Variants in MCOLN1 observed in about 807,000 individuals in gnomAD.
The protein encoded by MCOLN1 is mucolipin TRP cation channel 1.
In MCOLN1, 50 loss-of-function variants were observed where a neutral mutation model predicts 70.3. The observed-to-expected ratio is 0.71, with a 90% CI of 0.57 to 0.90. The LOEUF is 0.90. Among genes scored for constraint, MCOLN1 ranks in the 40% least tolerant of loss-of-function variants. MCOLN1 has a pLI of 0.00. For missense variants in MCOLN1, 598 were observed against 803.5 expected, an observed-to-expected ratio of 0.74 and a Z score of 3.09; for synonymous variants, 366 against 341.0, an observed-to-expected ratio of 1.07 and a Z score of -0.81.
In MCOLN1 at chr19:7,522,714, C is replaced by A; in HGVS notation, c.-37C>A. The A allele has an allele frequency of 6.9e-7, 1 of 1,452,034 alleles. No individual in the cohort carries two copies. The highest frequency in any genetic ancestry group is 9.0e-7 in the Non-Finnish European group (1 of 1,106,530). The allele number at this position is 1,452,034 out of a possible 1,614,324, so 89.9% of individuals were successfully genotyped here. A position where few individuals can be genotyped will look rare whatever the true frequency, so the allele number is the denominator to read the frequency against. On this transcript the variant is annotated 5_prime_UTR_variant, in exon 1 of 14. Transcript: ENST00000264079. ...GCGGGCGATCGGACCCAGGCTGCCC[C>A]GCCGTACCCGCCTGCGTCCCGCGCT... is the stretch of plus-strand genomic sequence containing the variant.
chr19:7,530,659 C>T (rs545587051), intron 12 of MCOLN1, among the ~76,000 whole-genome samples, 158 bp downstream of exon 12: 20 of 152,064 alleles, frequency 1.3e-4, no homozygotes, highest in African/African-American at 2.9e-4. Flanking sequence ...AACTGGGGGG[C>T]GCAGGGGGAT....
rs1273086675 is a variant in MCOLN1 at position 7,530,490 on chromosome 19, G to A, written c.1564G>A (p.Asp522Asn). 4 of 1,609,630 alleles carry A rather than the reference G, an allele frequency of 2.5e-6. No individual in the cohort carries two copies. The highest frequency in any genetic ancestry group is 2.5e-6 in the Non-Finnish European group (3 of 1,179,968). The change falls in exon 12 of 14, where the codon GAC becomes AAC. Residue 522 changes from aspartate to asparagine, a missense_variant. Physicochemically the swap from Asp to Asn is conservative, Grantham distance 23 (BLOSUM62 1). Coordinates refer to ENST00000264079, the MANE Select transcript of MCOLN1 (RefSeq NM_020533.3). ...CATCGCGCTCATCACCGGCGCCTAC[G>A]ACACCATCAAGGTCAGCCGCATGCA... ...LFIALITGAY[D>N]TIKHPGGAGA...
chr19:7,532,986 G>A (rs2022681645), intron 12 of MCOLN1, among the ~76,000 whole-genome samples: 2 of 152,208 alleles, frequency 1.3e-5, no homozygotes, highest in South Asian at 2.1e-4. Context: ...CCATGAGGCC[G>A]AGTGAGAGGA....
At chr19:7,530,040 A>G (rs894289448) in intron 11 of MCOLN1, among the ~76,000 whole-genome samples, 2 of 149,600 alleles carry the variant, frequency 1.3e-5, no homozygotes, top group African/African-American at 5.0e-5. Flanking sequence ...GGACCCGGCC[A>G]TTCACGTGGG....
rs1158583058 is a variant in MCOLN1 at position 7,526,482 on chromosome 19, G to A, written c.281G>A (p.Arg94Gln). 3.1e-6 allele frequency: 5 copies of A among 1,614,102 alleles called. No individual in the cohort carries two copies. The highest frequency in any genetic ancestry group is 1.7e-5 in the Admixed American group (1 of 60,006). The change falls in exon 3 of 14, where the codon CGG becomes CAG. Residue 94 changes from arginine (R) to glutamine (Q), a missense_variant. Around this residue, in one of 3 missense-constraint regions of MCOLN1, gnomAD observed 461 missense variants for 588.4 expected, o/e 0.78. Transcript: ENST00000264079. The surrounding 1 kb of genome is among the most constrained non-coding windows in gnomAD (Gnocchi z 4.6). ...GLSNQLAVTF[R>Q]EENTIAFRHL... Reference sequence around the variant, plus strand: ...AGTAATCAGCTGGCTGTGACATTCCGGGAAGAGAACACCATCGCCTTCCGA... The same window carrying A: ...AGTAATCAGCTGGCTGTGACATTCCAGGAAGAGAACACCATCGCCTTCCGA...
chr19:7,526,003 A>T lies in MCOLN1; in HGVS notation c.238-436A>T, dbSNP rs888431155. ...CTTGAACCCAGGGGGTGGAGGTTGT[A>T]GTGAGCTGAGATCATACCATGGCAC... On this transcript the variant is annotated intron_variant, in intron 2 of 13. Transcript: ENST00000264079. The surrounding 1 kb of genome is among the most constrained non-coding windows in gnomAD (Gnocchi z 4.6). 2 of 244,702 alleles carry T rather than the reference A, an allele frequency of 8.2e-6. No individual in the cohort carries two copies. Among genetic ancestry groups the T allele is most frequent in the Admixed American group, 1.0e-4 (2 of 19,564 alleles). 15.2% of individuals were successfully genotyped at this position (244,702 alleles called of 1,614,324 possible).
intron 4 of MCOLN1, chr19:7,527,307 A>T: frequency 3.7e-6 from 2 of 547,540 alleles, no homozygotes; most frequent in Non-Finnish European, 6.5e-6. Flanking sequence ...AAGTATGCTT[A>T]GTGTGAGTGT....
At position 7,525,194 on chromosome 19, in the gene MCOLN1, C is replaced by A. The variant is rs765483838; in HGVS notation, c.237+28C>A. On this transcript the variant is annotated intron_variant, in intron 2 of 13. Coordinates refer to ENST00000264079, the MANE Select transcript of MCOLN1 (RefSeq NM_020533.3). This position sits in a 1 kb window ranked among gnomAD's most constrained non-coding sequence, Gnocchi z 4.2. ...GAGGCCAGCCAAGCAGGGGCCCCAGCTGAAGGCCACCTGTGGCTGCTGTGC... is the reference window on the plus strand; with the variant it reads ...GAGGCCAGCCAAGCAGGGGCCCCAGATGAAGGCCACCTGTGGCTGCTGTGC... 7 of 1,601,954 alleles carry A rather than the reference C, an allele frequency of 4.4e-6. 1 individual carries two copies. In the South Asian group the frequency reaches 7.7e-5, roughly 18 times the overall value.
chr19:7,528,283 A>G lies in MCOLN1; in HGVS notation c.877+26A>G, dbSNP rs2305889. 0.3 allele frequency: 475,450 copies of G among 1,602,432 alleles called. 71,748 individuals are homozygous for G. Among genetic ancestry groups the G allele is most frequent in the Admixed American group, 0.34 (20,657 of 59,898 alleles). Reference sequence around the variant, plus strand: ...GTGAGCCCCTGAGCCCCAGACCAGCACTGACCAGGGGCCCTGGCCTGTCCT... The same window carrying G: ...GTGAGCCCCTGAGCCCCAGACCAGCGCTGACCAGGGGCCCTGGCCTGTCCT... On this transcript the variant is annotated intron_variant, in intron 7 of 13. Coordinates refer to ENST00000264079, the MANE Select transcript of MCOLN1 (RefSeq NM_020533.3). The surrounding 1 kb of genome is among the most constrained non-coding windows in gnomAD (Gnocchi z 4.2).
Position 7,527,017 on chromosome 19 carries a change from A to G in MCOLN1, c.571+91A>G, listed in dbSNP as rs111678852. The G allele has an allele frequency of 3.7e-3, 5,677 of 1,518,326 alleles. 169 individuals carry two copies. The African/African-American group carries it at 0.063, about 17-fold the overall frequency. The allele number at this position is 1,518,326 out of a possible 1,614,324, so 94.1% of individuals were successfully genotyped here. A position where few individuals can be genotyped will look rare whatever the true frequency, so the allele number is the denominator to read the frequency against. On this transcript the variant is annotated intron_variant, in intron 4 of 13. Transcript: ENST00000264079. ...TGGCTGGGCACGGTGGCTCACGCCTATAATACCAGCACTTTGGGAGGCTGA... is the reference window on the plus strand; with the variant it reads ...TGGCTGGGCACGGTGGCTCACGCCTGTAATACCAGCACTTTGGGAGGCTGA...
intron 10 of MCOLN1, 137 bp downstream of exon 10, chr19:7,529,339 T>G: frequency 1.1e-6 from 1 of 929,362 alleles, no homozygotes; most frequent in Non-Finnish European, 1.7e-6. Flanking sequence ...CCACACCAGA[T>G]ATATCTGTCA....
chr19:7,528,576 C>G lies in MCOLN1; in HGVS notation c.878-21C>G. 6.2e-7 allele frequency: 1 copy of G among 1,613,882 alleles called. No individual in the cohort carries two copies. The highest frequency in any genetic ancestry group is 8.5e-7 in the Non-Finnish European group (1 of 1,180,016). ...AGGCTCCATGCCATCCTTGGCCCTA[C>G]CCGCTCTGCCCTCCCCGCAGGAGAC... On this transcript the variant is annotated intron_variant, in intron 7 of 13. Coordinates refer to ENST00000264079, the MANE Select transcript of MCOLN1 (RefSeq NM_020533.3). The surrounding 1 kb of genome is among the most constrained non-coding windows in gnomAD (Gnocchi z 4.2).
rs1182361101 is a variant in MCOLN1, at chr19:7,528,408, G to A, written c.877+151G>A. On this transcript the variant is annotated intron_variant, in intron 7 of 13. Transcript: ENST00000264079. The surrounding 1 kb of genome is among the most constrained non-coding windows in gnomAD (Gnocchi z 4.2). ...GCACAGACCAGGGACCCCGTCCTGT[G>A]CTGAGATCCCCCAAGCCCCAGACCA... 12 of 999,856 alleles carry A rather than the reference G, an allele frequency of 1.2e-5. No individual in the cohort carries two copies. The highest frequency in any genetic ancestry group is 3.0e-6 in the Non-Finnish European group (2 of 658,726). The allele number at this position is 999,856 out of a possible 1,614,324, so 61.9% of individuals were successfully genotyped here.
In MCOLN1 at chr19:7,530,346, T is replaced by A; in HGVS notation, c.1420T>A (p.Phe474Ile). Residue 474 changes from phenylalanine to isoleucine, a missense_variant, in exon 12 of 14, where the codon TTT becomes ATT. Transcript: ENST00000264079. ...CTCGCTCATCAATGGGGACGACATGTTTGTGACGTTCGCCGCCATGCAGGC... is the reference window on the plus strand; with the variant it reads ...CTCGCTCATCAATGGGGACGACATGATTGTGACGTTCGCCGCCATGCAGGC... ...LFSLINGDDM[F>I]VTFAAMQAQQ... 6.2e-7 allele frequency: 1 copy of A among 1,613,886 alleles called. No homozygotes were observed. The highest frequency in any genetic ancestry group is 8.5e-7 in the Non-Finnish European group (1 of 1,180,032).
rs2022538207 is a variant in MCOLN1 at position 7,524,466 on chromosome 19, A to G, written c.32-495A>G. On this transcript the variant is annotated intron_variant, in intron 1 of 13. Coordinates refer to ENST00000264079, the MANE Select transcript of MCOLN1 (RefSeq NM_020533.3). This position sits in a 1 kb window ranked among gnomAD's most constrained non-coding sequence, Gnocchi z 4.1. ...AAACCTAGAATACAGGCTGAGTTCT[A>G]TGCTCATGTCTGGAAGCTGGAGTTG... is the stretch of plus-strand genomic sequence containing the variant. Among the ~76,000 whole-genome samples the G allele has an allele frequency of 1.3e-5, 2 of 152,164 alleles. No individual in the cohort carries two copies. The highest frequency in any genetic ancestry group is 2.4e-5 in the African/African-American group (1 of 41,434).
In MCOLN1 at chr19:7,530,361, G is replaced by A. The variant is rs761958105; in HGVS notation, c.1435G>A (p.Ala479Thr). Residue 479 changes from alanine (A) to threonine (T), a missense_variant, in exon 12 of 14, where the codon GCC becomes ACC. Around this residue, in one of 3 missense-constraint regions of MCOLN1, gnomAD observed 78 missense variants for 156.2 expected, o/e 0.50. Coordinates refer to ENST00000264079, the MANE Select transcript of MCOLN1 (RefSeq NM_020533.3). Reference sequence around the variant, plus strand: ...GGACGACATGTTTGTGACGTTCGCCGCCATGCAGGCGCAGCAGGGCCGCAG... The same window carrying A: ...GGACGACATGTTTGTGACGTTCGCCACCATGCAGGCGCAGCAGGGCCGCAG... ...NGDDMFVTFAAMQAQQGRSSL... is the reference protein window; with the variant it reads ...NGDDMFVTFATMQAQQGRSSL... 14 of 1,613,766 alleles carry A rather than the reference G, an allele frequency of 8.7e-6. No individual in the cohort carries two copies. The highest frequency in any genetic ancestry group is 2.2e-5 in the East Asian group (1 of 44,898).
At chr19:7,530,651 C>G (rs2022642742) in intron 12 of MCOLN1, 150 bp downstream of exon 12, 1 of 832,010 alleles carries the variant, frequency 1.2e-6, no homozygotes. Context: ...TGGTTCAGAA[C>G]TGGGGGGCGC....
At position 7,526,946 on chromosome 19, in the gene MCOLN1, C is replaced by G; in HGVS notation, c.571+20C>G. ...TTACTGGTGAGTGGGCAGGACGAGG[C>G]TTCACTGTTGGGAGCCTGAGCTGCT... On this transcript the variant is annotated intron_variant, in intron 4 of 13. Transcript: ENST00000264079. The surrounding 1 kb of genome is among the most constrained non-coding windows in gnomAD (Gnocchi z 4.6). 6.2e-7 allele frequency: 1 copy of G among 1,613,966 alleles called. No individual in the cohort carries two copies. The highest frequency in any genetic ancestry group is 1.1e-5 in the South Asian group (1 of 91,078).
chr19:7,526,562 A>C lies in MCOLN1; in HGVS notation c.361A>C (p.Thr121Pro). The change falls in exon 3 of 14, where the codon ACG becomes CCG. Residue 121 changes from threonine to proline, a missense_variant. Physicochemically the swap from Thr to Pro is conservative, Grantham distance 38. This residue lies in a region of MCOLN1 where 461 missense variants were observed against 588.4 expected (regional missense o/e 0.78). Transcript: ENST00000264079. The surrounding 1 kb of genome is among the most constrained non-coding windows in gnomAD (Gnocchi z 4.6). ...AGCGGATGACACCTTCGCAGCCTAC[A>C]CGCGGGAGCAGCTGTACCAGGCCAT... ...DGADDTFAAY[T>P]REQLYQAIFH... 6.2e-7 allele frequency: 1 copy of C among 1,613,812 alleles called. No individual in the cohort carries two copies. The highest frequency in any genetic ancestry group is 8.5e-7 in the Non-Finnish European group (1 of 1,179,988).
Sources: gnomAD v4.1 joint callset for allele counts (sites outside exome capture counted in the v4.1 genomes callset) on GRCh38, gnomAD v4.1.1 for gene constraint, gnomAD v4.1.1 regional missense constraint, Gnocchi (gnomAD v3.1) non-coding constraint, MANE v1.5 for transcripts, NCBI Gene and HGNC (gene_info 2026-07-23, HGNC 2026-07-21) for gene names.